CLASP1: variants seen among roughly 807,000 people sequenced by gnomAD.
CLASP1 encodes the protein CLIP-associating protein 1.
CLASP1 carries 38 observed loss-of-function variants against 192.3 expected under a neutral mutation model. The observed-to-expected ratio is 0.20, with a 90% confidence interval of 0.15 to 0.26. The LOEUF (loss-of-function observed/expected upper bound fraction) is 0.26, where lower values mean the gene tolerates loss of function less well. Among genes scored for constraint, CLASP1 ranks in the 10% least tolerant of loss-of-function variants. The probability of loss-of-function intolerance (pLI) is 1.00; values close to 1 mark genes in which losing one functional copy is unlikely to be tolerated. For synonymous variants in CLASP1, 691 were observed against 712.8 expected (o/e 0.97, Z 0.49); for missense variants, 1,433 against 1,932.5 (o/e 0.74, Z 4.85).
chr2:121,523,343 TAAAG>T (rs2094499078), intron 6 of CLASP1, among the ~76,000 whole-genome samples: 1 of 152,152 alleles, frequency 6.6e-6, no homozygotes, highest in South Asian at 2.1e-4. Context: ...ACTTCTAAAA[TAAAG>T]AAAATCTTGT....
intron 9 of CLASP1, among the ~76,000 whole-genome samples, chr2:121,468,560 G>A (rs910454677): frequency 2.6e-5 from 4 of 152,020 alleles, no homozygotes; most frequent in Admixed American, 6.5e-5. Flanking sequence ...ATTCATTCAC[G>A]ATTTGGCTCT....
chr2:121,480,139 A>G (rs1171417513), intron 8 of CLASP1, among the ~76,000 whole-genome samples: 1 of 152,258 alleles, frequency 6.6e-6, no homozygotes. Flanking sequence ...GAGCACAGAC[A>G]GGTGACAACT....
chr2:121,401,400 A>C, intron 28 of CLASP1, 109 bp downstream of exon 29: 2 of 776,242 alleles, frequency 2.6e-6, no homozygotes, highest in Non-Finnish European at 4.2e-6. Context: ...ACTGAGTAAA[A>C]GAGATATTCA....
Position 121,478,729 on chromosome 2 carries a change from CCA to C in CLASP1, c.713-8771_713-8770del, listed in dbSNP as rs770847103. ...CCCCACACACACAACCACACACACA[CCA>C]CACACACACCCCACACACACCACAC... On this transcript the variant is annotated intron_variant, in intron 8 of 39. Coordinates refer to ENST00000263710, the Ensembl canonical transcript of CLASP1. Among the ~76,000 whole-genome samples the C allele has an allele frequency of 7.4e-3, 659 of 88,866 alleles. 8 individuals carry two copies. Among genetic ancestry groups the C allele is most frequent in the Non-Finnish European group, 0.013 (553 of 43,184 alleles). The allele number at this position is 88,866 out of a possible 152,430, so 58.3% of individuals were successfully genotyped here. A position where few individuals can be genotyped will look rare whatever the true frequency, so the allele number is the denominator to read the frequency against.
At chr2:121,384,463 C>T (rs1171149774) in intron 32 of CLASP1, among the ~76,000 whole-genome samples, 3 of 152,044 alleles carry the variant, frequency 2.0e-5, no homozygotes, top group African/African-American at 7.2e-5. Context: ...GCTGGGATTA[C>T]AGGCATCAGT....
chr2:121,469,736 C>T, intron 9 of CLASP1, 72 bp downstream of exon 9: 1 of 1,462,768 alleles, frequency 6.8e-7, no homozygotes, highest in Non-Finnish European at 9.1e-7. Context: ...CCACCACAGG[C>T]AAGTACGTGC....
intron 2 of CLASP1, among the ~76,000 whole-genome samples, chr2:121,601,504 T>C (rs979377624): frequency 7.2e-5 from 11 of 152,098 alleles, no homozygotes; most frequent in African/African-American, 2.4e-4. Context: ...ACTCCTGACC[T>C]CGTGATCCGC....
intron 23 of CLASP1, among the ~76,000 whole-genome samples, chr2:121,415,249 T>C (rs2078374776): frequency 6.6e-6 from 1 of 152,228 alleles, no homozygotes; most frequent in African/African-American, 2.4e-5. Context: ...TTGGGCAAAG[T>C]ACTAAATCTA....
At chr2:121,471,194 T>C (rs2090658412) in intron 8 of CLASP1, among the ~76,000 whole-genome samples, 2 of 152,220 alleles carry the variant, frequency 1.3e-5, no homozygotes, top group African/African-American at 4.8e-5. Flanking sequence ...GGCAGGAGCA[T>C]CAACTTGAGC....
exon 21 of CLASP1, chr2:121,427,424 C>G (rs771081534): frequency 1.2e-6 from 2 of 1,612,980 alleles, no homozygotes; most frequent in South Asian, 2.2e-5. Flanking sequence ...ATTAGCAGAT[C>G]TGGATCCTTG....
chr2:121,459,345 GCAAA>G (rs1402793339), intron 12 of CLASP1, among the ~76,000 whole-genome samples: 2 of 151,982 alleles, frequency 1.3e-5, no homozygotes, highest in African/African-American at 4.8e-5. Flanking sequence ...TCTTAAAATA[GCAAA>G]CAAACTGATT....
At chr2:121,555,784 C>T (rs750726309) in intron 2 of CLASP1, among the ~76,000 whole-genome samples, 5 of 152,090 alleles carry the variant, frequency 3.3e-5, no homozygotes, top group Non-Finnish European at 7.3e-5. Flanking sequence ...TGGGTTCAAG[C>T]GATTATCCTG....
intron 1 of CLASP1, among the ~76,000 whole-genome samples, chr2:121,613,629 T>TTAA (rs200355283): frequency 0.038 from 5,609 of 148,828 alleles, 147 homozygotes; most frequent in East Asian, 0.14. Flanking sequence ...CCTTTTTTTT[T>TTAA]AAAAAAAAAA....
chr2:121,432,968 TCAAA>T (rs2081687946), intron 19 of CLASP1, among the ~76,000 whole-genome samples: 1 of 152,202 alleles, frequency 6.6e-6, no homozygotes, highest in Non-Finnish European at 1.5e-5. Context: ...CACTGTTGAC[TCAAA>T]CAAGATTTTT....
Position 121,367,812 on chromosome 2 carries a change from G to A in CLASP1, c.3662C>T (p.Ala1221Val), listed in dbSNP as rs756895698. 10 of 1,613,470 alleles carry A rather than the reference G, an allele frequency of 6.2e-6. No individual in the cohort carries two copies. The East Asian group carries it at 8.9e-5, about 14-fold the overall frequency. Residue 1221 changes from alanine (A) to valine (V), a missense_variant, in exon 35 of 40, where the codon GCT becomes GTT. By Grantham distance (64) the Ala-to-Val change is moderately conservative. Around this residue, in one of 8 missense-constraint regions of CLASP1, gnomAD observed 336 missense variants for 358.0 expected, o/e 0.94. Transcript: ENST00000263710. ...CCGGCCCTCAGTGGCAGGGGAGGCA[G>A]CGCCCCCATCGCGGGACACCTGCAG...
At chr2:121,501,572 T>C (rs981903649) in intron 8 of CLASP1, among the ~76,000 whole-genome samples, 2 of 152,220 alleles carry the variant, frequency 1.3e-5, no homozygotes, top group East Asian at 1.9e-4. Context: ...TGAATTATGA[T>C]ATCAATTTTC....
At chr2:121,608,470 C>T (rs570514810) in intron 1 of CLASP1, among the ~76,000 whole-genome samples, 5 of 152,288 alleles carry the variant, frequency 3.3e-5, no homozygotes, top group Admixed American at 6.5e-5. Context: ...TGCCCTGGGA[C>T]GGCCATGCTG....
At chr2:121,610,951 C>T (rs1194871627) in intron 1 of CLASP1, among the ~76,000 whole-genome samples, 1 of 97,478 alleles carries the variant, frequency 1.0e-5, no homozygotes, top group Non-Finnish European at 2.1e-5. Flanking sequence ...GGAAGAGGAA[C>T]TGGAGGAGGA....
At chr2:121,582,609 G>A (rs1248185973) in intron 2 of CLASP1, among the ~76,000 whole-genome samples, 1 of 149,382 alleles carries the variant, frequency 6.7e-6, no homozygotes, top group Admixed American at 6.7e-5. Context: ...GGAGGGAAGA[G>A]AAAAGGAAAG....
Sources: allele counts gnomAD v4.1 joint callset (sites outside exome capture counted in the v4.1 genomes callset), GRCh38; gene constraint gnomAD v4.1.1; regional missense constraint gnomAD v4.1.1; transcripts MANE v1.5; gene names NCBI Gene and HGNC (gene_info 2026-07-23, HGNC 2026-07-21).